KIAA1549L: variants seen among roughly 807,000 people sequenced by gnomAD.
The protein encoded by KIAA1549L is KIAA1549 like.
KIAA1549L carries 88 observed loss-of-function variants against 160.7 expected under a neutral mutation model. The observed-to-expected ratio is 0.55, with a 90% CI of 0.46 to 0.65. The LOEUF is 0.65. KIAA1549L is among the 30% of genes least tolerant of loss of function. KIAA1549L has a pLI of 0.00. For synonymous variants in KIAA1549L, 950 were observed against 976.7 expected (o/e 0.97, Z 0.51); for missense variants, 2,258 against 2,437.5 (o/e 0.93, Z 1.55).
At position 33,545,203 on chromosome 11, in the gene KIAA1549L, A is replaced by G. The variant is rs777480313; in HGVS notation, c.3210A>G (p.Thr1070=). The change falls in exon 3 of 21, where the codon ACA becomes ACG. Residue 1070 remains threonine, a synonymous_variant. Coordinates refer to ENST00000658780, the MANE Select transcript of KIAA1549L (RefSeq NM_012194.3). ...GAGCATCCACGCCACGCCCACTGAC[A>G]GTCACGGCCGCGCTGACATCCATTA... ...MPRASTPRPL[T]VTAALTSITA... is the part of the protein sequence containing the mutation. 3 of 1,613,880 alleles carry G rather than the reference A, an allele frequency of 1.9e-6. No individual in the cohort carries two copies. Among genetic ancestry groups the G allele is most frequent in the African/African-American group, 1.3e-5 (1 of 74,918 alleles).
At chr11:33,614,564 ATATATATATATATATATATATTTTTTTT>A (rs1850747555) in intron 15 of KIAA1549L, among the ~76,000 whole-genome samples, 4 of 13,464 alleles carry the variant, frequency 3.0e-4, no homozygotes, top group African/African-American at 2.0e-3. Flanking sequence ...ATATATATAT[ATATATATATATATATATATATTTTTTTT>A]TTTTTTTTTT....
intron 1 of KIAA1549L, among the ~76,000 whole-genome samples, chr11:33,504,922 A>G (rs1943606930): frequency 6.6e-6 from 1 of 152,134 alleles, no homozygotes; most frequent in African/African-American, 2.4e-5. Flanking sequence ...ATGCACTGCC[A>G]CACCTGGCAA....
intron 1 of KIAA1549L, among the ~76,000 whole-genome samples, chr11:33,483,419 C>T (rs1262757857): frequency 6.6e-6 from 1 of 152,052 alleles, no homozygotes; most frequent in Non-Finnish European, 1.5e-5. Flanking sequence ...ACCTAGAGAC[C>T]TTAGCTAATC....
intron 1 of KIAA1549L, among the ~76,000 whole-genome samples, chr11:33,437,910 T>C (rs967051014): frequency 6.6e-6 from 1 of 152,142 alleles, no homozygotes; most frequent in Non-Finnish European, 1.5e-5. Flanking sequence ...GGGGACCGCT[T>C]TCCTGGTTCC....
intron 1 of KIAA1549L, among the ~76,000 whole-genome samples, chr11:33,518,329 G>A (rs1049813174): frequency 6.6e-6 from 1 of 152,112 alleles, no homozygotes; most frequent in African/African-American, 2.4e-5. Flanking sequence ...CTTAGATAAA[G>A]TGATTTGCTT....
At chr11:33,451,222 G>A (rs1038907552) in intron 1 of KIAA1549L, among the ~76,000 whole-genome samples, 4 of 152,286 alleles carry the variant, frequency 2.6e-5, no homozygotes, top group South Asian at 2.1e-4. Flanking sequence ...TATGTGCAAC[G>A]CTGAGGATTC....
rs563133155 is a variant in KIAA1549L at position 33,531,720 on chromosome 11, G to A, written c.239-10082G>A. On this transcript the variant is annotated intron_variant, in intron 1 of 20. Transcript: ENST00000658780. ...TTTAAAAAGCCCCAAGAGGAATCAC[G>A]TTAGGCAAGAAGGTCCCAGGTGCCA... Among the ~76,000 whole-genome samples, 4 of 152,326 alleles carry A rather than the reference G, an allele frequency of 2.6e-5. No homozygotes were observed. In the South Asian group the frequency reaches 8.3e-4, roughly 32 times the overall value.
chr11:33,501,359 GATAAC>G (rs1852944450), intron 1 of KIAA1549L, among the ~76,000 whole-genome samples: 1 of 152,208 alleles, frequency 6.6e-6, no homozygotes, highest in African/African-American at 2.4e-5. Flanking sequence ...AGCAGATTTA[GATAAC>G]ATATCTCTCA....
intron 1 of KIAA1549L, among the ~76,000 whole-genome samples, chr11:33,465,643 G>A (rs1048064444): frequency 6.6e-6 from 1 of 152,174 alleles, no homozygotes; most frequent in South Asian, 2.1e-4. Flanking sequence ...GCGTTGAAAA[G>A]TATGGTTAAC....
At chr11:33,502,986 G>T (rs948976270) in intron 1 of KIAA1549L, among the ~76,000 whole-genome samples, 2 of 152,022 alleles carry the variant, frequency 1.3e-5, no homozygotes, top group Non-Finnish European at 1.5e-5. Context: ...TATAACATAC[G>T]TAATAGAAAA....
intron 1 of KIAA1549L, among the ~76,000 whole-genome samples, chr11:33,457,442 C>G (rs943117977): frequency 6.6e-6 from 1 of 152,208 alleles, no homozygotes; most frequent in Non-Finnish European, 1.5e-5. Context: ...TTACCCAAAG[C>G]ATCTGGACCT....
At chr11:33,659,045 G>T in intron 19 of KIAA1549L, 147 bp downstream of exon 19, 1 of 876,812 alleles carries the variant, frequency 1.1e-6, no homozygotes, top group South Asian at 2.0e-5. Flanking sequence ...AACTTCAGGA[G>T]CCCCAACTAA....
At chr11:33,483,882 G>C (rs1852466123) in intron 1 of KIAA1549L, among the ~76,000 whole-genome samples, 1 of 152,098 alleles carries the variant, frequency 6.6e-6, no homozygotes, top group South Asian at 2.1e-4. Context: ...ACCCAATCTT[G>C]ATATGTCTTT....
At chr11:33,652,503 A>G (rs1380531444) in intron 17 of KIAA1549L, among the ~76,000 whole-genome samples, 1 of 152,090 alleles carries the variant, frequency 6.6e-6, no homozygotes, top group Non-Finnish European at 1.5e-5. Context: ...AGAAGTTCAG[A>G]ATTTTTCATC....
intron 1 of KIAA1549L, among the ~76,000 whole-genome samples, chr11:33,460,594 C>A (rs1851923131): frequency 6.6e-6 from 1 of 152,182 alleles, no homozygotes; most frequent in Non-Finnish European, 1.5e-5. Flanking sequence ...GCTTGAGCAT[C>A]TATTGTGAAT....
At chr11:33,485,321 A>T (rs185276256) in intron 1 of KIAA1549L, among the ~76,000 whole-genome samples, 2 of 152,286 alleles carry the variant, frequency 1.3e-5, no homozygotes, top group Admixed American at 1.3e-4. Context: ...TCTCATGCCT[A>T]GCTACAAAAT....
chr11:33,448,136 G>A (rs959286570), intron 1 of KIAA1549L, among the ~76,000 whole-genome samples: 1 of 152,090 alleles, frequency 6.6e-6, no homozygotes, highest in Non-Finnish European at 1.5e-5. Context: ...GAACATGCAG[G>A]TTTATGTGGG....
intron 1 of KIAA1549L, among the ~76,000 whole-genome samples, chr11:33,478,158 G>A (rs532283295): frequency 9.2e-5 from 14 of 152,354 alleles, no homozygotes; most frequent in African/African-American, 3.4e-4. Context: ...ATTGTCTTCT[G>A]TGGTATGCAG....
At chr11:33,433,470 A>C (rs141505768) in intron 1 of KIAA1549L, among the ~76,000 whole-genome samples, 4 of 152,182 alleles carry the variant, frequency 2.6e-5, no homozygotes, top group African/African-American at 9.7e-5. Flanking sequence ...GAGAAATAGG[A>C]ACGCTTTTAC....
Sources: allele counts gnomAD v4.1 joint callset (sites outside exome capture counted in the v4.1 genomes callset), GRCh38; gene constraint gnomAD v4.1.1; transcripts MANE v1.5; gene names NCBI Gene and HGNC (gene_info 2026-07-23, HGNC 2026-07-21).